Variants in AIG1 observed in about 807,000 individuals in gnomAD.
AIG1 encodes androgen induced 1, also known as androgen-induced gene 1 protein.
Under a neutral mutation model 31.4 loss-of-function variants are expected in AIG1, and 23 were observed. The observed-to-expected ratio is 0.73, with a 90% confidence interval of 0.53 to 1.04. The LOEUF (loss-of-function observed/expected upper bound fraction) is 1.04. Among genes scored for constraint, AIG1 ranks in the 50% least tolerant of loss-of-function variants. AIG1 has a pLI of 0.00. For synonymous variants in AIG1, 100 were observed against 110.5 expected, an observed-to-expected ratio of 0.90 and a Z score of 0.60; for missense variants, 274 against 295.0, an observed-to-expected ratio of 0.93 and a Z score of 0.52.
chr6:143,193,285 C>T (rs1048532138), intron 3 of AIG1, among the ~76,000 whole-genome samples: 1 of 152,188 alleles, frequency 6.6e-6, no homozygotes, highest in Non-Finnish European at 1.5e-5. Flanking sequence ...ACGGTTAGTG[C>T]CTTTAAGCCG....
At chr6:143,245,113 AG>A (rs1447800593) in intron 3 of AIG1, among the ~76,000 whole-genome samples, 1 of 152,218 alleles carries the variant, frequency 6.6e-6, no homozygotes, top group Non-Finnish European at 1.5e-5. Flanking sequence ...TTAATGAACA[AG>A]GGTTTATTCA....
chr6:143,321,223 T>C (rs569185025), intron 4 of AIG1, among the ~76,000 whole-genome samples: 3 of 152,216 alleles, frequency 2.0e-5, no homozygotes, highest in Non-Finnish European at 4.4e-5. Context: ...ATGGTTTCAA[T>C]GGACTTATAC....
chr6:143,284,197 T>C lies in AIG1; in HGVS notation c.487T>C (p.Cys163Arg). 6.2e-7 allele frequency: 1 copy of C among 1,613,648 alleles called. No homozygotes were observed. Among genetic ancestry groups the C allele is most frequent in the Non-Finnish European group, 8.5e-7 (1 of 1,179,586 alleles). The change falls in exon 4 of 6, where the codon TGT (cysteine) becomes CGT (arginine). Residue 163 changes from cysteine (C) to arginine (R), a missense_variant. Cys to Arg is a radical substitution (Grantham distance 180). Coordinates refer to ENST00000357847, the MANE Select transcript of AIG1 (RefSeq NM_016108.4). The surrounding 1 kb of genome is among the most constrained non-coding windows in gnomAD (Gnocchi z 4.4). ...PSRSSGLTAI[C>R]TFSVGYILWV... The stretch of plus-strand genomic sequence containing the variant: ...CAGGAGCAGCGGACTTACCGCCATA[T>C]GTACCTTCTCTGTTGGCTATATATT...
chr6:143,262,983 A>G (rs1795905684), intron 3 of AIG1, among the ~76,000 whole-genome samples: 1 of 152,202 alleles, frequency 6.6e-6, no homozygotes. Flanking sequence ...ACCACAGATG[A>G]GCAGATTGAC....
chr6:143,069,083 C>T (rs1027299629), intron 1 of AIG1, among the ~76,000 whole-genome samples: 8 of 151,226 alleles, frequency 5.3e-5, no homozygotes, highest in Non-Finnish European at 8.8e-5. Flanking sequence ...GGCGTGATCT[C>T]GGCTCACTGC....
At chr6:143,082,569 C>G (rs1330949632) in intron 1 of AIG1, among the ~76,000 whole-genome samples, 1 of 152,212 alleles carries the variant, frequency 6.6e-6, no homozygotes, top group Non-Finnish European at 1.5e-5. Context: ...CTGTTCACAT[C>G]ATGAGATGTC....
At chr6:143,069,869 CA>C (rs1444612287) in intron 1 of AIG1, among the ~76,000 whole-genome samples, 2 of 152,106 alleles carry the variant, frequency 1.3e-5, no homozygotes, top group Non-Finnish European at 2.9e-5. Context: ...TTAGGTTTTA[CA>C]TTTTTATCTA....
chr6:143,244,702 A>G (rs1315849818), intron 3 of AIG1, among the ~76,000 whole-genome samples: 1 of 152,230 alleles, frequency 6.6e-6, no homozygotes, highest in African/African-American at 2.4e-5. Flanking sequence ...TTTAACTGCA[A>G]AGAGGTGCTG....
At chr6:143,106,556 T>A (rs1780824619) in intron 1 of AIG1, among the ~76,000 whole-genome samples, 1 of 152,174 alleles carries the variant, frequency 6.6e-6, no homozygotes, top group Non-Finnish European at 1.5e-5. Flanking sequence ...CACTTAGGCC[T>A]CCCCAAAATA....
At chr6:143,179,024 G>A (rs1214385936) in intron 3 of AIG1, among the ~76,000 whole-genome samples, 6 of 152,148 alleles carry the variant, frequency 3.9e-5, no homozygotes, top group Non-Finnish European at 8.8e-5. Flanking sequence ...AGATGGGGAG[G>A]GGAGAGAGAG....
rs552607950 is a variant in AIG1 at position 143,234,689 on chromosome 6, G to A, written c.400-49421G>A. Reference sequence around the variant, plus strand: ...ATTTTCAAGTGTTCTTTCTGGAATCGGGTGAGTGAGGATTCCTCACACAGA... The same window carrying A: ...ATTTTCAAGTGTTCTTTCTGGAATCAGGTGAGTGAGGATTCCTCACACAGA... On this transcript the variant is annotated intron_variant, in intron 3 of 5. Transcript: ENST00000357847. 9.9e-5 allele frequency among the ~76,000 whole-genome samples: 15 copies of A among 152,236 alleles called. No individual in the cohort carries two copies. The East Asian group carries it at 2.7e-3, about 27-fold the overall frequency.
chr6:143,081,201 C>A (rs572500847), intron 1 of AIG1, among the ~76,000 whole-genome samples: 2 of 152,216 alleles, frequency 1.3e-5, no homozygotes, highest in African/African-American at 4.8e-5. Flanking sequence ...TTTTAGATGT[C>A]GTTTGAGTGT....
intron 3 of AIG1, among the ~76,000 whole-genome samples, chr6:143,282,193 A>C (rs963916361): frequency 6.6e-6 from 1 of 152,208 alleles, no homozygotes; most frequent in Non-Finnish European, 1.5e-5. Flanking sequence ...GGAGCAATGA[A>C]TGAAGGGTAG....
At chr6:143,063,299 T>G (rs548980944) in intron 1 of AIG1, among the ~76,000 whole-genome samples, 1 of 152,376 alleles carries the variant, frequency 6.6e-6, no homozygotes, top group South Asian at 2.1e-4. Flanking sequence ...GTGAAACATT[T>G]ACTTTGCTTC....
rs191108602 is a variant in AIG1 at position 143,252,207 on chromosome 6, C to T, written c.400-31903C>T. Among the ~76,000 whole-genome samples, 1,304 of 152,314 alleles carry T rather than the reference C, an allele frequency of 8.6e-3. 9 individuals are homozygous for T. Among genetic ancestry groups the T allele is most frequent in the Middle Eastern group, 0.034 (10 of 294 alleles). On this transcript the variant is annotated intron_variant, in intron 3 of 5. Coordinates refer to ENST00000357847, the MANE Select transcript of AIG1 (RefSeq NM_016108.4). Reference sequence around the variant, plus strand: ...CGATCTCAGCTCACTGCAACCTCCACCTCCCATGTTCAAGCGATTCTCCCG... The same window carrying T: ...CGATCTCAGCTCACTGCAACCTCCATCTCCCATGTTCAAGCGATTCTCCCG...
intron 3 of AIG1, among the ~76,000 whole-genome samples, chr6:143,225,251 A>G (rs934408880): frequency 6.6e-6 from 1 of 152,114 alleles, no homozygotes; most frequent in Non-Finnish European, 1.5e-5. Context: ...AATTATCTTA[A>G]CAATGTTTTA....
chr6:143,238,522 T>C (rs1793982869), intron 3 of AIG1, among the ~76,000 whole-genome samples: 1 of 152,220 alleles, frequency 6.6e-6, no homozygotes, highest in Non-Finnish European at 1.5e-5. Context: ...AAGCCAATCA[T>C]AACTTGTCCT....
intron 4 of AIG1, among the ~76,000 whole-genome samples, chr6:143,319,429 G>A (rs1029828308): frequency 2.0e-5 from 3 of 152,250 alleles, no homozygotes; most frequent in African/African-American, 7.2e-5. Context: ...AAGCTATGAC[G>A]ACACAAAGGC....
chr6:143,312,390 C>T (rs560475400), intron 4 of AIG1, among the ~76,000 whole-genome samples: 47 of 151,974 alleles, frequency 3.1e-4, no homozygotes, highest in African/African-American at 1.1e-3. Context: ...AATAGAGAAC[C>T]CAGAAACAAA....
Sources: gnomAD v4.1 joint callset for allele counts (sites outside exome capture counted in the v4.1 genomes callset) on GRCh38, gnomAD v4.1.1 for gene constraint, Gnocchi (gnomAD v3.1) non-coding constraint, MANE v1.5 for transcripts, NCBI Gene and HGNC (gene_info 2026-07-23, HGNC 2026-07-21) for gene names.